Variants in BEND7 observed in about 807,000 individuals in gnomAD.
The protein encoded by BEND7 is BEN domain-containing protein 7.
In BEND7, 28 loss-of-function variants were observed where a neutral mutation model predicts 50.9. The observed-to-expected ratio is 0.55, with a 90% CI of 0.41 to 0.75. The LOEUF (loss-of-function observed/expected upper bound fraction) is 0.75, where lower values mean the gene tolerates loss of function less well. Ranked by LOEUF, BEND7 falls within the 30% of genes least tolerant of loss-of-function variation. BEND7 has a pLI of 0.00. For synonymous variants in BEND7, 170 were observed against 183.9 expected (o/e 0.92, Z 0.61); for missense variants, 477 against 491.3 (o/e 0.97, Z 0.28).
rs947021622 is a variant in BEND7 at position 13,465,880 on chromosome 10, CTCTCGT to C, written c.1064-13228_1064-13223del. Among the ~76,000 whole-genome samples, 10 of 73,084 alleles carry C rather than the reference CTCTCGT, an allele frequency of 1.4e-4. 1 individual carries two copies. Among genetic ancestry groups the C allele is most frequent in the African/African-American group, 3.4e-4 (5 of 14,724 alleles). The allele number at this position is 73,084 out of a possible 152,430, so 47.9% of individuals were successfully genotyped here. Reference sequence around the variant, plus strand: ...TTTGAGGCCACAGCTATCTCTCTCTCTCTCGTGTGTGTGTGTGTGTGTGGTGGCAGG... The same window carrying C: ...TTTGAGGCCACAGCTATCTCTCTCTCGTGTGTGTGTGTGTGTGGTGGCAGG... On this transcript the variant is annotated intron_variant, in intron 6 of 8. Transcript: ENST00000466271.
At chr10:13,439,194 T>A (rs1835050512), downstream of BEND7, 1 of 1,613,212 alleles carries the variant, frequency 6.2e-7, no homozygotes, top group African/African-American at 1.3e-5. Flanking sequence ...GCAAGAGATG[T>A]GAAGGGTAAG....
intron 7 of BEND7, among the ~76,000 whole-genome samples, chr10:13,448,120 T>C (rs1485032873): frequency 6.6e-6 from 1 of 152,200 alleles, no homozygotes; most frequent in Non-Finnish European, 1.5e-5. Context: ...ATTTCTAAGT[T>C]TTAAAATGCA....
chr10:13,479,437 T>A (rs1173800895), intron 6 of BEND7, among the ~76,000 whole-genome samples: 2 of 152,214 alleles, frequency 1.3e-5, no homozygotes, highest in East Asian at 3.8e-4. Flanking sequence ...TCTACTGTCA[T>A]TAAAATGGAC....
chr10:13,439,084 C>T, downstream of BEND7: 1 of 1,260,362 alleles, frequency 7.9e-7, no homozygotes, highest in East Asian at 2.5e-5. Flanking sequence ...TTCACCAGGG[C>T]CTGAAATCTT....
chr10:13,529,408 A>G (rs771844881), upstream of BEND7, among the ~76,000 whole-genome samples: 6 of 152,106 alleles, frequency 3.9e-5, no homozygotes, highest in Non-Finnish European at 7.4e-5. Context: ...GATTTTAAGC[A>G]AGTTTTAGGG....
intron 6 of BEND7, among the ~76,000 whole-genome samples, chr10:13,480,162 T>A (rs2075756238): frequency 6.6e-6 from 1 of 152,238 alleles, no homozygotes; most frequent in Non-Finnish European, 1.5e-5. Context: ...TTTCCTAAAG[T>A]TACACTCATC....
At chr10:13,486,474 G>A (rs77893075) in intron 5 of BEND7, among the ~76,000 whole-genome samples, 7,910 of 152,340 alleles carry the variant, frequency 0.052, 379 homozygotes, top group Non-Finnish European at 0.067. Context: ...GGCCTGAGCC[G>A]CAGTGTGGAT....
intron 5 of BEND7, among the ~76,000 whole-genome samples, chr10:13,489,903 T>A (rs187636218): frequency 6.6e-6 from 1 of 152,378 alleles, no homozygotes; most frequent in Non-Finnish European, 1.5e-5. Context: ...CCTTCGCAGA[T>A]TAAACAAATA....
chr10:13,470,901 A>G (rs985226233), intron 6 of BEND7, among the ~76,000 whole-genome samples: 2 of 152,254 alleles, frequency 1.3e-5, no homozygotes, highest in Non-Finnish European at 2.9e-5. Flanking sequence ...AGGTCCACCA[A>G]TGAGCATGAG....
intron 2 of BEND7, among the ~76,000 whole-genome samples, chr10:13,509,182 T>G (rs993340477): frequency 6.6e-6 from 1 of 152,198 alleles, no homozygotes; most frequent in Admixed American, 6.5e-5. Flanking sequence ...TATGAGAAGT[T>G]TGGGGACAGA....
intron 2 of BEND7, among the ~76,000 whole-genome samples, chr10:13,517,384 G>A (rs2078765643): frequency 6.6e-6 from 1 of 152,206 alleles, no homozygotes; most frequent in South Asian, 2.1e-4. Context: ...AGAGGGGAGT[G>A]TCAGGAATCA....
rs145657788 is a variant in BEND7, at chr10:13,486,028, C to T, written c.838-4904G>A. Among the ~76,000 whole-genome samples the T allele has an allele frequency of 9.5e-3, 1,441 of 152,156 alleles. 13 individuals are homozygous for T. Among genetic ancestry groups the T allele is most frequent in the African/African-American group, 0.031 (1,284 of 41,492 alleles). On this transcript the variant is annotated intron_variant, in intron 5 of 8. Coordinates refer to ENST00000466271, the MANE Select transcript of BEND7 (RefSeq NM_001369863.1). Reference sequence around the variant, plus strand: ...TCCTGAGTAGCTTGGGCTACAAGTGCGTGGCCAGTTAATTTAAATAAAAAT... The same window carrying T: ...TCCTGAGTAGCTTGGGCTACAAGTGTGTGGCCAGTTAATTTAAATAAAAAT...
In BEND7 at chr10:13,441,327, A is replaced by C; in HGVS notation, c.*416T>G. 1.0e-6 allele frequency: 1 copy of C among 1,003,376 alleles called. No homozygotes were observed. Among genetic ancestry groups the C allele is most frequent in the Non-Finnish European group, 1.2e-6 (1 of 842,112 alleles). The allele number at this position is 1,003,376 out of a possible 1,614,324, so 62.2% of individuals were successfully genotyped here. A position where few individuals can be genotyped will look rare whatever the true frequency, so the allele number is the denominator to read the frequency against. On this transcript the variant is annotated 3_prime_UTR_variant, in exon 9 of 9. Transcript: ENST00000466271. ...TTTTTTGCTAAGAAAGCCTATAAAA[A>C]GGTTTCTGAATAAAGACTGAACAGT...
At chr10:13,480,408 C>T (rs772608156) in intron 6 of BEND7, among the ~76,000 whole-genome samples, 8 of 152,022 alleles carry the variant, frequency 5.3e-5, no homozygotes, top group African/African-American at 1.7e-4. Context: ...TGTGTGGGGA[C>T]GCACAGGGTT....
intron 7 of BEND7, 48 bp downstream of exon 7, chr10:13,452,491 A>C: frequency 6.4e-7 from 1 of 1,556,416 alleles, no homozygotes; most frequent in Non-Finnish European, 8.7e-7. Context: ...ATAAAGTCTA[A>C]GAATTCATAA....
In BEND7 at chr10:13,492,716, C is replaced by T. The variant is rs565642605; in HGVS notation, c.732G>A (p.Ser244=). Reference sequence around the variant, plus strand: ...GAGCAGATAGCTCAGAGGCCACCACCGACTTTTTCTCCATCTCTGACCCAC... The same window carrying T: ...GAGCAGATAGCTCAGAGGCCACCACTGACTTTTTCTCCATCTCTGACCCAC... ...KPSGSEMEKK[S]VVASELSALQ... Residue 244 remains serine, a synonymous_variant, in exon 5 of 9, where the codon TCG becomes TCA. Coordinates refer to ENST00000466271, the MANE Select transcript of BEND7 (RefSeq NM_001369863.1). 9.9e-6 allele frequency: 16 copies of T among 1,614,172 alleles called. No homozygotes were observed. Among genetic ancestry groups the T allele is most frequent in the East Asian group, 4.5e-5 (2 of 44,882 alleles).
At chr10:13,490,402 T>C (rs1588915055) in intron 5 of BEND7, among the ~76,000 whole-genome samples, 1 of 152,204 alleles carries the variant, frequency 6.6e-6, no homozygotes, top group African/African-American at 2.4e-5. Context: ...TCAGTTGAAG[T>C]CTCAGCTGCA....
At chr10:13,481,172 C>G in intron 5 of BEND7, 48 bp from the exon 6 acceptor site, 2 of 1,588,870 alleles carry the variant, frequency 1.3e-6, no homozygotes, top group African/African-American at 1.3e-5. Flanking sequence ...TTTGAAGCAT[C>G]TGACTTTGGG....
chr10:13,493,205 T>C (rs2076793853), intron 4 of BEND7, among the ~76,000 whole-genome samples: 2 of 152,238 alleles, frequency 1.3e-5, no homozygotes, highest in African/African-American at 4.8e-5. Context: ...AGGATGTTTT[T>C]AAATAAATGA....
Sources: gnomAD v4.1 joint callset for allele counts (sites outside exome capture counted in the v4.1 genomes callset) on GRCh38, gnomAD v4.1.1 for gene constraint, MANE v1.5 for transcripts, NCBI Gene and HGNC (gene_info 2026-07-23, HGNC 2026-07-21) for gene names.